Variants in ANKRD18A observed in about 807,000 individuals in gnomAD.
ANKRD18A encodes the protein ankyrin repeat domain 18A.
Under a neutral mutation model 110.6 loss-of-function variants are expected in ANKRD18A, and 72 were observed. The ratio of observed to expected loss-of-function variants is 0.65; its 90% CI spans 0.54 to 0.79. The LOEUF (loss-of-function observed/expected upper bound fraction) is 0.79, where lower values mean the gene tolerates loss of function less well. Ranked by LOEUF, ANKRD18A falls within the 30% of genes least tolerant of loss-of-function variation. The pLI is 0.00. For synonymous variants in ANKRD18A, 305 were observed against 410.3 expected (o/e 0.74, Z 3.10); for missense variants, 934 against 1,163.3 (o/e 0.80, Z 2.87).
intron 10 of ANKRD18A, among the ~76,000 whole-genome samples, chr9:38,590,330 T>C (rs1824591161): frequency 6.6e-6 from 1 of 152,018 alleles, no homozygotes; most frequent in African/African-American, 2.4e-5. Context: ...CCATGTCGGC[T>C]CACTGCAACT....
rs142782266 is a variant in ANKRD18A at position 38,595,316 on chromosome 9, C to T, written c.1854+170G>A. 8.1e-3 allele frequency among the ~76,000 whole-genome samples: 1,240 copies of T among 152,244 alleles called. 21 individuals carry two copies. Among genetic ancestry groups the T allele is most frequent in the African/African-American group, 0.028 (1,169 of 41,534 alleles). On this transcript the variant is annotated intron_variant, in intron 9 of 15. Coordinates refer to ENST00000399703, the MANE Select transcript of ANKRD18A (RefSeq NM_147195.4). ...CCAGGCCTACACAAACATTAATCAT[C>T]TTTCTGTCCCTATAGATGTATTTCC...
At chr9:38,614,690 T>A (rs1825781460) in intron 3 of ANKRD18A, among the ~76,000 whole-genome samples, 1 of 152,166 alleles carries the variant, frequency 6.6e-6, no homozygotes, top group Non-Finnish European at 1.5e-5. Flanking sequence ...GAGTTATGTA[T>A]TAAAATTCCA....
At chr9:38,588,336 T>A (rs1021693499) in intron 11 of ANKRD18A, among the ~76,000 whole-genome samples, 80 of 152,286 alleles carry the variant, frequency 5.3e-4, no homozygotes, top group Middle Eastern at 3.4e-3. Context: ...TTGATTTTTT[T>A]AATAATTCCA....
chr9:38,603,102 T>C (rs972734182), intron 7 of ANKRD18A, 57 bp downstream of exon 7: 1 of 1,529,658 alleles, frequency 6.5e-7, no homozygotes, highest in Non-Finnish European at 8.8e-7. Flanking sequence ...CGGCTGAAGC[T>C]TCCCTTGTCT....
chr9:38,579,287 T>C (rs3005814), intron 12 of ANKRD18A, among the ~76,000 whole-genome samples: 12,977 of 152,178 alleles, frequency 0.085, 955 homozygotes, highest in African/African-American at 0.2. Context: ...TGCACAAAGA[T>C]TTGTATAGGT....
At chr9:38,618,121 TA>T (rs1825933240) in intron 1 of ANKRD18A, among the ~76,000 whole-genome samples, 2 of 152,262 alleles carry the variant, frequency 1.3e-5, no homozygotes, top group South Asian at 2.1e-4. Context: ...ATAATAATGA[TA>T]AAAAATAGTG....
At chr9:38,587,735 T>G (rs575613461) in intron 11 of ANKRD18A, among the ~76,000 whole-genome samples, 166 of 152,310 alleles carry the variant, frequency 1.1e-3, no homozygotes, top group African/African-American at 3.6e-3. Flanking sequence ...AAATAAAAAT[T>G]CAAACTAGAT....
chr9:38,592,901 T>A (rs1309561584), intron 10 of ANKRD18A, among the ~76,000 whole-genome samples: 1 of 152,068 alleles, frequency 6.6e-6, no homozygotes, highest in Non-Finnish European at 1.5e-5. Context: ...CAAAAGTGGA[T>A]GGTGGTTGCC....
At chr9:38,575,248 A>G (rs1018847164) in intron 15 of ANKRD18A, among the ~76,000 whole-genome samples, 1 of 152,214 alleles carries the variant, frequency 6.6e-6, no homozygotes, top group Non-Finnish European at 1.5e-5. Context: ...TAAATGTGTC[A>G]GTTTAACCAC....
At chr9:38,594,526 A>G (rs1302946458) in intron 9 of ANKRD18A, among the ~76,000 whole-genome samples, 1 of 152,180 alleles carries the variant, frequency 6.6e-6, no homozygotes, top group Non-Finnish European at 1.5e-5. Context: ...CTGCCAGTGG[A>G]AACATTACAT....
In ANKRD18A at chr9:38,611,565, C is replaced by T. The variant is rs1825623475; in HGVS notation, c.496-244G>A. ...CACTTTATTTACCAGTCCCCAAAAT[C>T]CTTGCTTCTATCTCAGCATTTAGCA... On this transcript the variant is annotated intron_variant, in intron 3 of 15. Transcript: ENST00000399703. Among the ~76,000 whole-genome samples, 8 of 152,298 alleles carry T rather than the reference C, an allele frequency of 5.3e-5. No homozygotes were observed. The South Asian group carries it at 1.7e-3, about 32-fold the overall frequency.
In ANKRD18A at chr9:38,605,388, AT is replaced by A. The variant is rs1825307808; in HGVS notation, c.808+2037del. Among the ~76,000 whole-genome samples, 3 of 152,340 alleles carry A rather than the reference AT, an allele frequency of 2.0e-5. No homozygotes were observed. The South Asian group carries it at 6.2e-4, about 32-fold the overall frequency. On this transcript the variant is annotated intron_variant, in intron 6 of 15. Coordinates refer to ENST00000399703, the MANE Select transcript of ANKRD18A (RefSeq NM_147195.4). ...TATGAGCACCTTAAAGACAAAAACT[AT>A]GTCAATTCCATCTTTGTCTCCTGCA...
At position 38,577,257 on chromosome 9, in the gene ANKRD18A, G is replaced by A. The variant is rs1823937276; in HGVS notation, c.2537C>T (p.Ala846Val). ...KLEEIHLQKQ[A>V]EYEKQLEQLN... ...CTGCTCTAATTGTTTTTCATATTCT[G>A]CTTGTTTCTAAAACAAATGAAAAGA... The change falls in exon 14 of 16, where the codon GCA (alanine) becomes GTA (valine). Residue 846 changes from alanine (A) to valine (V), a missense_variant. Around this residue, in one of 4 missense-constraint regions of ANKRD18A, gnomAD observed 223 missense variants for 226.7 expected, o/e 0.98. Coordinates refer to ENST00000399703, the MANE Select transcript of ANKRD18A (RefSeq NM_147195.4). 2 of 1,524,460 alleles carry A rather than the reference G, an allele frequency of 1.3e-6. No homozygotes were observed. Among genetic ancestry groups the A allele is most frequent in the Admixed American group, 2.2e-5 (1 of 44,518 alleles). 94.4% of individuals were successfully genotyped at this position (1,524,460 alleles called of 1,614,324 possible).
chr9:38,579,720 T>C (rs1824070210), intron 12 of ANKRD18A, among the ~76,000 whole-genome samples: 1 of 152,204 alleles, frequency 6.6e-6, no homozygotes, highest in Non-Finnish European at 1.5e-5. Flanking sequence ...TCTTACATGC[T>C]GTTCGTGGGA....
In ANKRD18A at chr9:38,571,998, T is replaced by C; in HGVS notation, c.*47A>G. The stretch of plus-strand genomic sequence containing the variant: ...TTATGGTTAATCTCTTCATTAGATG[T>C]GGCTTACCAGTGGATTCTACAAAAG... On this transcript the variant is annotated 3_prime_UTR_variant, in exon 16 of 16. Coordinates refer to ENST00000399703, the MANE Select transcript of ANKRD18A (RefSeq NM_147195.4). The C allele has an allele frequency of 6.4e-7, 1 of 1,574,260 alleles. No homozygotes were observed. Among genetic ancestry groups the C allele is most frequent in the Non-Finnish European group, 8.6e-7 (1 of 1,167,940 alleles).
chr9:38,607,079 T>C (rs1292572373), intron 6 of ANKRD18A, among the ~76,000 whole-genome samples: 1 of 152,158 alleles, frequency 6.6e-6, no homozygotes, highest in Admixed American at 6.5e-5. Flanking sequence ...TCTTTGGAGA[T>C]AGAGTCTTGC....
chr9:38,595,225 T>C (rs967496524), intron 9 of ANKRD18A, among the ~76,000 whole-genome samples: 1 of 152,168 alleles, frequency 6.6e-6, no homozygotes, highest in Non-Finnish European at 1.5e-5. Context: ...AATCCAACTT[T>C]AGAACATTTT....
chr9:38,595,978 T>C lies in ANKRD18A; in HGVS notation c.1362A>G (p.Arg454=). The change falls in exon 9 of 16, where the codon AGA becomes AGG. Residue 454 remains arginine (R), a synonymous_variant. Coordinates refer to ENST00000399703, the MANE Select transcript of ANKRD18A (RefSeq NM_147195.4). ...LVLWRADDVS[R]HEKMGSNISQ... ...AAATATTAGAACCCATTTTTTCATG[T>C]CTAGAAACATCATCTGCTCTCCATA... The C allele has an allele frequency of 1.3e-6, 2 of 1,550,180 alleles. No homozygotes were observed. Among genetic ancestry groups the C allele is most frequent in the Non-Finnish European group, 1.7e-6 (2 of 1,146,282 alleles).
chr9:38,606,825 A>G (rs1278717119), intron 6 of ANKRD18A, among the ~76,000 whole-genome samples: 1 of 152,194 alleles, frequency 6.6e-6, no homozygotes, highest in Non-Finnish European at 1.5e-5. Context: ...AAATTGCAAC[A>G]TATTAACTTA....
Sources: gnomAD v4.1 joint callset for allele counts (sites outside exome capture counted in the v4.1 genomes callset) on GRCh38, gnomAD v4.1.1 for gene constraint, gnomAD v4.1.1 regional missense constraint, MANE v1.5 for transcripts, NCBI Gene and HGNC (gene_info 2026-07-23, HGNC 2026-07-21) for gene names.